The following RIMS1 variants were observed in gnomAD, a reference collection of about 807,000 sequenced individuals.
RIMS1 encodes the protein regulating synaptic membrane exocytosis protein 1.
RIMS1 carries 83 observed loss-of-function variants against 214.1 expected under a neutral mutation model. That is an observed-to-expected ratio of 0.39 (90% CI 0.32 to 0.47). RIMS1 has a LOEUF of 0.47. Among genes scored for constraint, RIMS1 ranks in the 20% least tolerant of loss-of-function variants. The pLI is 0.99. For missense variants in RIMS1, 2,050 were observed against 2,161.8 expected (o/e 0.95, Z 1.03); for synonymous variants, 793 against 786.8 (o/e 1.01, Z -0.13).
At chr6:72,257,554 A>G (rs2076396534) in intron 16 of RIMS1, among the ~76,000 whole-genome samples, 1 of 152,118 alleles carries the variant, frequency 6.6e-6, no homozygotes, top group Non-Finnish European at 1.5e-5. Context: ...TGAAAATTGC[A>G]GTATTATTTG....
chr6:72,088,715 G>A (rs991626950), intron 2 of RIMS1, among the ~76,000 whole-genome samples: 34 of 152,116 alleles, frequency 2.2e-4, no homozygotes, highest in African/African-American at 7.7e-4. Context: ...AGTTCATTTT[G>A]GTGCAAGAAA....
intron 2 of RIMS1, among the ~76,000 whole-genome samples, chr6:71,969,465 A>G (rs938808198): frequency 5.9e-5 from 9 of 152,190 alleles, no homozygotes; most frequent in Non-Finnish European, 1.2e-4. Context: ...TAGGTAGTCC[A>G]TTATCTAACC....
intron 4 of RIMS1, among the ~76,000 whole-genome samples, chr6:72,109,292 G>A (rs1265067507): frequency 6.6e-6 from 1 of 151,958 alleles, no homozygotes; most frequent in East Asian, 1.9e-4. Context: ...TTCCACAATG[G>A]TTGAAGTAGT....
At chr6:72,294,612 G>A (rs1563697224) in intron 26 of RIMS1, among the ~76,000 whole-genome samples, 2 of 151,588 alleles carry the variant, frequency 1.3e-5, no homozygotes, top group Non-Finnish European at 1.5e-5. Context: ...ATTTTGGAAT[G>A]TATGCCAGGA....
At chr6:72,020,507 A>T (rs1446929655) in intron 2 of RIMS1, among the ~76,000 whole-genome samples, 1 of 152,154 alleles carries the variant, frequency 6.6e-6, no homozygotes. Context: ...AAAGTCCTTT[A>T]TGCCTCAGGG....
At chr6:72,338,009 G>T (rs1180204418) in intron 29 of RIMS1, among the ~76,000 whole-genome samples, 1 of 151,284 alleles carries the variant, frequency 6.6e-6, no homozygotes, top group Non-Finnish European at 1.5e-5. Context: ...ATTTAGGTTG[G>T]TTCCAAGTCT....
At chr6:71,919,254 GAA>G (rs1329054819) in intron 1 of RIMS1, among the ~76,000 whole-genome samples, 1 of 152,074 alleles carries the variant, frequency 6.6e-6, no homozygotes, top group Non-Finnish European at 1.5e-5. Flanking sequence ...AAAAATTAAT[GAA>G]ACTAATAGAG....
intron 29 of RIMS1, among the ~76,000 whole-genome samples, chr6:72,360,002 A>G (rs367916889): frequency 9.9e-5 from 15 of 152,216 alleles, no homozygotes; most frequent in East Asian, 7.7e-4. Context: ...GATTTCTAAC[A>G]CAAGTTGTAT....
chr6:72,317,226 G>T, intron 28 of RIMS1: 1 of 303,810 alleles, frequency 3.3e-6, no homozygotes, highest in Non-Finnish European at 6.4e-6. Context: ...GCAGGGGACT[G>T]GGAGCATCTC....
At chr6:72,017,079 A>AG (rs1389212147) in intron 2 of RIMS1, among the ~76,000 whole-genome samples, 1 of 152,226 alleles carries the variant, frequency 6.6e-6, no homozygotes, top group African/African-American at 2.4e-5. Context: ...CACACCCTGT[A>AG]GGGTCTACTC....
chr6:72,135,312 T>C lies in RIMS1; in HGVS notation c.471+35326T>C, dbSNP rs540566108. Among the ~76,000 whole-genome samples the C allele has an allele frequency of 1.2e-3, 176 of 152,216 alleles. 1 individual carries two copies. The highest frequency in any genetic ancestry group is 4.1e-3 in the African/African-American group (171 of 41,550). ...TATGTTTAATGATACTCAATATAAATATTAAAAGAAGAGGAAACTGTCAGT... is the reference window on the plus strand; with the variant it reads ...TATGTTTAATGATACTCAATATAAACATTAAAAGAAGAGGAAACTGTCAGT... On this transcript the variant is annotated intron_variant, in intron 4 of 33. Transcript: ENST00000521978.
chr6:71,944,486 G>A (rs968388201), intron 1 of RIMS1, among the ~76,000 whole-genome samples: 5 of 152,158 alleles, frequency 3.3e-5, no homozygotes, highest in African/African-American at 9.7e-5. Context: ...GAGAGGGATT[G>A]AAGGCTATGT....
intron 1 of RIMS1, among the ~76,000 whole-genome samples, chr6:71,916,814 T>A (rs1562188965): frequency 6.6e-6 from 1 of 152,100 alleles, no homozygotes; most frequent in African/African-American, 2.4e-5. Context: ...ATTAAGTAAG[T>A]CAGTTAATTA....
At chr6:72,387,665 G>C (rs1008156501) in intron 29 of RIMS1, among the ~76,000 whole-genome samples, 3 of 152,190 alleles carry the variant, frequency 2.0e-5, no homozygotes, top group African/African-American at 7.2e-5. Context: ...CCAAAAAGGG[G>C]ATAGGAAGAG....
intron 26 of RIMS1, among the ~76,000 whole-genome samples, chr6:72,306,208 A>G (rs1325896208): frequency 6.6e-6 from 1 of 152,010 alleles, no homozygotes; most frequent in East Asian, 1.9e-4. Flanking sequence ...TTCCCACTAC[A>G]TCAGTGACCA....
chr6:72,055,509 C>G (rs562113), intron 2 of RIMS1, among the ~76,000 whole-genome samples: 117,826 of 152,112 alleles, frequency 0.77, 46,267 homozygotes, highest in African/African-American at 0.91. Context: ...TTTTTCTCTT[C>G]CCTTATTGCT....
Position 72,244,604 on chromosome 6 carries a change from G to GT in RIMS1, c.2082-1205dup, listed in dbSNP as rs1233618752. ...TTAGAAGAAAGTAGCAGAATATATA[G>GT]TTTTTTCTGTGTTTTGGGTATTGTA... On this transcript the variant is annotated intron_variant, in intron 10 of 33. Coordinates refer to ENST00000521978, the MANE Select transcript of RIMS1 (RefSeq NM_014989.7). Among the ~76,000 whole-genome samples, 8 of 151,552 alleles carry GT rather than the reference G, an allele frequency of 5.3e-5. No homozygotes were observed. The East Asian group carries it at 1.3e-3, about 26-fold the overall frequency.
intron 4 of RIMS1, among the ~76,000 whole-genome samples, chr6:72,102,227 A>G (rs1048482680): frequency 6.6e-6 from 1 of 151,798 alleles, no homozygotes; most frequent in African/African-American, 2.4e-5. Flanking sequence ...TTTCATCACT[A>G]TTTTTTTAGT....
Position 72,183,070 on chromosome 6 carries a change from T to C in RIMS1, c.1599T>C (p.Ser533=). The C allele has an allele frequency of 2.5e-6, 4 of 1,594,982 alleles. No individual in the cohort carries two copies. The highest frequency in any genetic ancestry group is 3.4e-6 in the Non-Finnish European group (4 of 1,171,782). Residue 533 remains serine (S), a synonymous_variant, in exon 6 of 34, where the codon TCT becomes TCC. Transcript: ENST00000521978. ...AGCGGCAGATGTCGGTGAGCAGCTC[T>C]GAGGAGGAGGGCGTGTCGACGCCCG... ...GKKRQMSVSS[S]EEEGVSTPEY...
Sources: allele counts gnomAD v4.1 joint callset (sites outside exome capture counted in the v4.1 genomes callset), GRCh38; gene constraint gnomAD v4.1.1; transcripts MANE v1.5; gene names NCBI Gene and HGNC (gene_info 2026-07-23, HGNC 2026-07-21).